NAV2: variants seen among roughly 807,000 people sequenced by gnomAD.
NAV2 encodes neuron navigator 2, also known as helicase, APC down-regulated 1.
Under a neutral mutation model 223.2 loss-of-function variants are expected in NAV2, and 54 were observed. That is an observed-to-expected ratio of 0.24 (90% CI 0.19 to 0.30). The LOEUF (loss-of-function observed/expected upper bound fraction) is 0.30. Among genes scored for constraint, NAV2 ranks in the 10% least tolerant of loss-of-function variants. The probability of loss-of-function intolerance (pLI) is 1.00; values close to 1 mark genes in which losing one functional copy is unlikely to be tolerated. For missense variants in NAV2, 2,806 were observed against 3,147.5 expected, an observed-to-expected ratio of 0.89 and a Z score of 2.60; for synonymous variants, 1,279 against 1,239.3, an observed-to-expected ratio of 1.03 and a Z score of -0.67.
At chr11:19,437,107 CTG>C (rs1851243807) in intron 1 of NAV2, among the ~76,000 whole-genome samples, 1 of 152,098 alleles carries the variant, frequency 6.6e-6, no homozygotes, top group Non-Finnish European at 1.5e-5. Context: ...GTAGGCAAGA[CTG>C]TGAAAGCAGC....
chr11:19,736,454 A>G (rs1181470455), intron 1 of NAV2, among the ~76,000 whole-genome samples: 1 of 152,062 alleles, frequency 6.6e-6, no homozygotes, highest in Non-Finnish European at 1.5e-5. Context: ...GAAGATAAAG[A>G]CACTTTATCT....
chr11:19,485,261 G>T (rs1013581361), intron 1 of NAV2, among the ~76,000 whole-genome samples: 2 of 152,152 alleles, frequency 1.3e-5, no homozygotes, highest in Non-Finnish European at 2.9e-5. Flanking sequence ...TGGATATGTG[G>T]AGGGGTCAAG....
rs1327603802 is a variant in NAV2, at chr11:20,121,371, G to C, written c.*3113G>C. ...AATTTTTTCTAGCCATTTTTAAAGA[G>C]AAAACTAGGAATTGAGTATTTTGTG... On this transcript the variant is annotated 3_prime_UTR_variant, in exon 38 of 38. Coordinates refer to ENST00000349880, the MANE Select transcript of NAV2 (RefSeq NM_145117.5). The C allele has an allele frequency of 6.6e-6, 1 of 152,544 alleles. No individual in the cohort carries two copies. Among genetic ancestry groups the C allele is most frequent in the Non-Finnish European group, 1.5e-5 (1 of 68,022 alleles). The allele number at this position is 152,544 out of a possible 1,614,324, so 9.4% of individuals were successfully genotyped here.
chr11:19,851,328 A>G (rs2061111140), intron 3 of NAV2, among the ~76,000 whole-genome samples: 1 of 152,226 alleles, frequency 6.6e-6, no homozygotes, highest in Non-Finnish European at 1.5e-5. Flanking sequence ...TCACTATGAC[A>G]TGGAAAGGCA....
intron 1 of NAV2, among the ~76,000 whole-genome samples, chr11:19,729,892 A>G (rs1036084256): frequency 2.6e-5 from 4 of 152,162 alleles, no homozygotes; most frequent in Non-Finnish European, 2.9e-5. Flanking sequence ...ACAAATAAGA[A>G]TGGAGAGGGG....
intron 1 of NAV2, among the ~76,000 whole-genome samples, chr11:19,721,433 A>C (rs1460743942): frequency 6.6e-6 from 1 of 152,232 alleles, no homozygotes; most frequent in African/African-American, 2.4e-5. Flanking sequence ...GGCTGATTCT[A>C]GACAGAGGAA....
chr11:19,601,992 AG>A (rs1359481846), intron 1 of NAV2, among the ~76,000 whole-genome samples: 2 of 152,146 alleles, frequency 1.3e-5, no homozygotes, highest in South Asian at 2.1e-4. Flanking sequence ...CTGCCCCACC[AG>A]GGCCCCATGG....
rs535779894 is a variant in NAV2, at chr11:19,356,616, G to A, written c.75+5589G>A. ...CTGCCTATAAGGGGCCAAGTGAAAG[G>A]CACACTGAAGAGAGAACTAAATAAG... is the stretch of plus-strand genomic sequence containing the variant. On this transcript the variant is annotated intron_variant, in intron 1 of 37. Transcript: ENST00000360655. 2.6e-5 allele frequency among the ~76,000 whole-genome samples: 4 copies of A among 152,232 alleles called. No individual in the cohort carries two copies. In the East Asian group the frequency reaches 7.7e-4, roughly 29 times the overall value.
At chr11:20,110,869 G>A (rs2062571429) in intron 36 of NAV2, among the ~76,000 whole-genome samples, 1 of 152,190 alleles carries the variant, frequency 6.6e-6, no homozygotes, top group African/African-American at 2.4e-5. Flanking sequence ...GAGGTTCTAG[G>A]CTGAGAACAG....
At position 19,666,989 on chromosome 11, in the gene NAV2, G is replaced by A. The variant is rs554265447; in HGVS notation, c.76-165495G>A. On this transcript the variant is annotated intron_variant, in intron 1 of 37. Coordinates refer to the NAV2 transcript ENST00000360655. ...TTAATTCCCACTTGATTTAAATGCC[G>A]CTTCCTCCAGAAGGCCCTCCCCAGC... 6.6e-5 allele frequency among the ~76,000 whole-genome samples: 10 copies of A among 152,126 alleles called. No homozygotes were observed. In the South Asian group the frequency reaches 1.9e-3, roughly 28 times the overall value.
intron 11 of NAV2, among the ~76,000 whole-genome samples, chr11:19,985,654 G>A (rs1225931063): frequency 6.6e-6 from 1 of 151,950 alleles, no homozygotes; most frequent in Non-Finnish European, 1.5e-5. Flanking sequence ...CTGGCTTACT[G>A]CAACCTCCAT....
intron 10 of NAV2, among the ~76,000 whole-genome samples, chr11:19,979,488 A>G (rs927654745): frequency 2.0e-5 from 3 of 152,260 alleles, no homozygotes; most frequent in Admixed American, 1.3e-4. Context: ...CTGCTTTTGC[A>G]TAGGTTATCC....
intron 1 of NAV2, among the ~76,000 whole-genome samples, chr11:19,681,599 C>CA (rs558409135): frequency 2.1e-3 from 314 of 152,314 alleles, no homozygotes; most frequent in South Asian, 6.6e-3. Flanking sequence ...TGGGATTTAG[C>CA]AATAGGTTTG....
intron 1 of NAV2, among the ~76,000 whole-genome samples, chr11:19,748,033 C>CA (rs1205166615): frequency 1.3e-5 from 2 of 152,106 alleles, no homozygotes; most frequent in African/African-American, 4.8e-5. Flanking sequence ...ATATGCTGGG[C>CA]ATGTAGTGAG....
At chr11:19,803,707 G>A (rs984495123) in intron 1 of NAV2, among the ~76,000 whole-genome samples, 2 of 152,256 alleles carry the variant, frequency 1.3e-5, no homozygotes, top group African/African-American at 4.8e-5. Flanking sequence ...AATGGTAGAG[G>A]ATAATGTATA....
intron 1 of NAV2, among the ~76,000 whole-genome samples, chr11:19,681,452 G>A (rs1380519027): frequency 6.6e-6 from 1 of 152,150 alleles, no homozygotes; most frequent in African/African-American, 2.4e-5. Context: ...GCAATTTGGG[G>A]GTAATTGCAC....
intron 11 of NAV2, chr11:20,022,776 C>T: frequency 2.6e-6 from 3 of 1,146,332 alleles, no homozygotes; most frequent in East Asian, 4.6e-5. Flanking sequence ...ATGGAGGGCC[C>T]TTCCATTCAG....
In NAV2 at chr11:20,067,564, A is replaced by G. The variant is rs995492932; in HGVS notation, c.4885-622A>G. Among the ~76,000 whole-genome samples, 3 of 150,510 alleles carry G rather than the reference A, an allele frequency of 2.0e-5. No homozygotes were observed. In the East Asian group the frequency reaches 5.9e-4, roughly 29 times the overall value. On this transcript the variant is annotated intron_variant, in intron 20 of 37. Transcript: ENST00000349880. Reference sequence around the variant, plus strand: ...GTGATCTCAGCTCACTGCAATCTCCACCTCCTGGGTTCAAGCCATTCTCCT... The same window carrying G: ...GTGATCTCAGCTCACTGCAATCTCCGCCTCCTGGGTTCAAGCCATTCTCCT...
At position 19,549,120 on chromosome 11, in the gene NAV2, A is replaced by G. The variant is rs144863363; in HGVS notation, c.75+198093A>G. 5.7e-3 allele frequency among the ~76,000 whole-genome samples: 869 copies of G among 152,284 alleles called. 7 individuals are homozygous for G. Among genetic ancestry groups the G allele is most frequent in the African/African-American group, 0.02 (816 of 41,554 alleles). ...GCTTTGGGGACTGTAACATGATGTTAAGAAGGACATTTCTTATTGTCTTGG... is the reference window on the plus strand; with the variant it reads ...GCTTTGGGGACTGTAACATGATGTTGAGAAGGACATTTCTTATTGTCTTGG... On this transcript the variant is annotated intron_variant, in intron 1 of 37. Transcript: ENST00000360655.
Sources: allele counts gnomAD v4.1 joint callset (sites outside exome capture counted in the v4.1 genomes callset), GRCh38; gene constraint gnomAD v4.1.1; transcripts MANE v1.5; gene names NCBI Gene and HGNC (gene_info 2026-07-23, HGNC 2026-07-21).